PREX1: variants seen among roughly 807,000 people sequenced by gnomAD.
PREX1 encodes the protein phosphatidylinositol-3,4,5-trisphosphate dependent Rac exchange factor 1.
A neutral mutation model predicts 198.3 loss-of-function variants in PREX1; 41 were observed. The observed-to-expected ratio is 0.21, with a 90% CI of 0.16 to 0.27. The LOEUF is 0.27. Among genes scored for constraint, PREX1 ranks in the 10% least tolerant of loss-of-function variants. PREX1 has a pLI of 1.00. For missense variants in PREX1, 1,620 were observed against 2,200.7 expected (o/e 0.74, Z 5.28); for synonymous variants, 843 against 887.2 (o/e 0.95, Z 0.89).
intron 1 of PREX1, among the ~76,000 whole-genome samples, chr20:48,826,688 C>T (rs2090510387): frequency 6.6e-6 from 1 of 152,186 alleles, no homozygotes; most frequent in African/African-American, 2.4e-5. Context: ...AATCCCCTCT[C>T]TGATAAAAAT....
At position 48,761,956 on chromosome 20, in the gene PREX1, C is replaced by T. The variant is rs546733279; in HGVS notation, c.220-14076G>A. 4.3e-4 allele frequency among the ~76,000 whole-genome samples: 65 copies of T among 152,314 alleles called. 1 individual carries two copies. Among genetic ancestry groups the T allele is most frequent in the African/African-American group, 1.5e-3 (64 of 41,564 alleles). On this transcript the variant is annotated intron_variant, in intron 1 of 39. Transcript: ENST00000371941. ...CCACAAGGCTGCAGGTGCTGTAGAG[C>T]AGAGTGATAGCCATCACCTTCACCC...
At chr20:48,685,796 A>C (rs968849735) in intron 10 of PREX1, among the ~76,000 whole-genome samples, 26 of 152,312 alleles carry the variant, frequency 1.7e-4, no homozygotes, top group African/African-American at 6.3e-4. Flanking sequence ...GCTACTCAGG[A>C]GGCAGGAAGA....
chr20:48,746,331 T>C (rs564162590), intron 2 of PREX1, among the ~76,000 whole-genome samples: 13 of 152,310 alleles, frequency 8.5e-5, no homozygotes, highest in African/African-American at 2.9e-4. Context: ...CCCTCATGAT[T>C]GTATGTTTTT....
intron 1 of PREX1, among the ~76,000 whole-genome samples, chr20:48,762,497 G>A (rs1284034838): frequency 6.6e-6 from 1 of 152,146 alleles, no homozygotes; most frequent in African/African-American, 2.4e-5. Flanking sequence ...TCCCCTGGAG[G>A]CAAAATCATC....
At chr20:48,864,843 G>A in the PREX1 span, among the ~76,000 whole-genome samples, 1 of 152,176 alleles carries the variant, frequency 6.6e-6, no homozygotes, top group Non-Finnish European at 1.5e-5. Context: ...CAGGGGGAAG[G>A]GCTTGGAGCT....
intron 3 of PREX1, among the ~76,000 whole-genome samples, chr20:48,743,732 A>C (rs889272682): frequency 6.6e-6 from 1 of 152,240 alleles, no homozygotes; most frequent in Non-Finnish European, 1.5e-5. Context: ...AAGGACAATG[A>C]GGCACAGACA....
chr20:48,729,610 A>G (rs1356295460), intron 4 of PREX1, among the ~76,000 whole-genome samples: 1 of 152,092 alleles, frequency 6.6e-6, no homozygotes, highest in Non-Finnish European at 1.5e-5. Flanking sequence ...TGGGCCCAAA[A>G]CCCTAAAGTC....
intron 8 of PREX1, among the ~76,000 whole-genome samples, chr20:48,692,145 C>G (rs1159354771): frequency 3.3e-5 from 5 of 152,168 alleles, no homozygotes; most frequent in African/African-American, 1.2e-4. Context: ...CCATCTCAAC[C>G]TCTCAAAGTG....
chr20:48,744,123 G>A (rs1235445349), intron 3 of PREX1, among the ~76,000 whole-genome samples: 1 of 152,114 alleles, frequency 6.6e-6, no homozygotes, highest in African/African-American at 2.4e-5. Flanking sequence ...TGTTGTCGGG[G>A]CTGTCATGTG....
the PREX1 span, among the ~76,000 whole-genome samples, chr20:48,839,708 C>T: frequency 3.3e-5 from 5 of 152,190 alleles, no homozygotes; most frequent in African/African-American, 1.2e-4. Context: ...AGTTTTAACT[C>T]GTGGATGCTG....
chr20:48,675,910 G>A (rs757485411), intron 14 of PREX1, among the ~76,000 whole-genome samples: 6 of 152,136 alleles, frequency 3.9e-5, no homozygotes, highest in Non-Finnish European at 5.9e-5. Flanking sequence ...GGTGGCGTGC[G>A]CCTGTAATAC....
chr20:48,706,046 A>C (rs2089901330), intron 6 of PREX1, among the ~76,000 whole-genome samples: 1 of 152,210 alleles, frequency 6.6e-6, no homozygotes, highest in Non-Finnish European at 1.5e-5. Flanking sequence ...ACAGGTACTA[A>C]ATAACTGCCA....
chr20:48,681,678 A>AGATGGATGGATG (rs376886223), intron 10 of PREX1, among the ~76,000 whole-genome samples: 10,092 of 150,046 alleles, frequency 0.067, 626 homozygotes, highest in African/African-American at 0.15. Context: ...GTGACTACAT[A>AGATGGATGGATG]GATGGATGGA....
chr20:48,657,940 C>G (rs2089558095), intron 17 of PREX1, among the ~76,000 whole-genome samples, 196 bp downstream of exon 17: 1 of 151,928 alleles, frequency 6.6e-6, no homozygotes. Flanking sequence ...CCCCGGGACT[C>G]TGCACTCACT....
At chr20:48,739,130 ACT>A (rs371924410) in intron 3 of PREX1, among the ~76,000 whole-genome samples, 1 of 151,582 alleles carries the variant, frequency 6.6e-6, no homozygotes, top group Admixed American at 6.6e-5. Flanking sequence ...ACACCCTCAA[ACT>A]CTCTCTATCA....
the PREX1 span, among the ~76,000 whole-genome samples, chr20:48,853,669 C>T: frequency 7.2e-5 from 11 of 152,154 alleles, no homozygotes; most frequent in African/African-American, 2.2e-4. Context: ...ACACATCCAA[C>T]GCACATGCAC....
At chr20:48,835,313 A>C in the PREX1 span, among the ~76,000 whole-genome samples, 2 of 152,220 alleles carry the variant, frequency 1.3e-5, no homozygotes, top group African/African-American at 4.8e-5. Context: ...GGACTGTTCT[A>C]GGTACTGGGA....
chr20:48,789,747 T>C (rs2090329375), intron 1 of PREX1, among the ~76,000 whole-genome samples: 1 of 152,220 alleles, frequency 6.6e-6, no homozygotes, highest in African/African-American at 2.4e-5. Flanking sequence ...TTGTGACTGG[T>C]ATTTGAATAT....
chr20:48,764,585 C>G (rs139146678), intron 1 of PREX1, among the ~76,000 whole-genome samples: 3 of 151,952 alleles, frequency 2.0e-5, no homozygotes, highest in Non-Finnish European at 4.4e-5. Flanking sequence ...GATTTTGAGA[C>G]CAGCCTGGCC....
Sources: allele counts gnomAD v4.1 joint callset (sites outside exome capture counted in the v4.1 genomes callset), GRCh38; gene constraint gnomAD v4.1.1; transcripts MANE v1.5; gene names NCBI Gene and HGNC (gene_info 2026-07-23, HGNC 2026-07-21).